Variants in ODAD4 observed in about 807,000 individuals in gnomAD.
ODAD4 encodes the protein outer dynein arm docking complex subunit 4, also known as outer dynein arm-docking complex subunit 4.
ODAD4 carries 49 observed loss-of-function variants against 51.8 expected under a neutral mutation model. The ratio of observed to expected loss-of-function variants is 0.95; its 90% CI spans 0.75 to 1.20. ODAD4 has a LOEUF of 1.20. Ranked by LOEUF, ODAD4 falls within the 50% of genes most tolerant of loss-of-function variation. The probability of loss-of-function intolerance (pLI) is 0.00; values close to 1 mark genes in which losing one functional copy is unlikely to be tolerated. For missense variants in ODAD4, 590 were observed against 586.5 expected (o/e 1.01, Z -0.06); for synonymous variants, 235 against 221.3 (o/e 1.06, Z -0.55).
Position 41,930,807 on chromosome 17 carries a change from A to G in ODAD4, c.84A>G (p.Glu28=), listed in dbSNP as rs1555636654. The G allele has an allele frequency of 6.4e-7, 1 of 1,556,062 alleles. No homozygotes were observed. Among genetic ancestry groups the G allele is most frequent in the Admixed American group, 1.8e-5 (1 of 55,966 alleles). ...GCGAGCGGCTCTACCTGTGCGGGGA[A>G]TTTTCTAAAGCCGCGCAGAGCTTCA... ...AEGERLYLCG[E]FSKAAQSFSN... is the part of the protein sequence containing the mutation. Residue 28 remains glutamate (E), a synonymous_variant, in exon 1 of 12, where the codon GAA becomes GAG. Coordinates refer to ENST00000377540, the MANE Select transcript of ODAD4 (RefSeq NM_031421.5).
intron 7 of ODAD4, among the ~76,000 whole-genome samples, chr17:41,941,084 C>T (rs1205030462): frequency 1.3e-5 from 2 of 152,202 alleles, no homozygotes; most frequent in Admixed American, 6.6e-5. Flanking sequence ...GCTTGGCCCC[C>T]TCACTGTTCA....
chr17:41,939,263 G>C, intron 7 of ODAD4, 91 bp downstream of exon 7: 2 of 1,286,772 alleles, frequency 1.6e-6, no homozygotes, highest in Non-Finnish European at 2.1e-6. Flanking sequence ...CTGGTGGCTT[G>C]ACTCCCATTT....
intron 7 of ODAD4, among the ~76,000 whole-genome samples, chr17:41,942,627 G>A (rs2050522069): frequency 6.6e-6 from 1 of 152,132 alleles, no homozygotes; most frequent in African/African-American, 2.4e-5. Flanking sequence ...AGCTTGGCAG[G>A]GGCCTCAGGG....
At chr17:41,960,295 C>G (rs1221569653) in intron 10 of ODAD4, among the ~76,000 whole-genome samples, 1 of 152,098 alleles carries the variant, frequency 6.6e-6, no homozygotes, top group Non-Finnish European at 1.5e-5. Flanking sequence ...TAGCAAGACC[C>G]TGTCTCTTAA....
At chr17:41,935,523 G>GACCC (rs1488021235) in intron 2 of ODAD4, 76 bp from the exon 3 acceptor site, 17 of 1,545,790 alleles carry the variant, frequency 1.1e-5, no homozygotes, top group Non-Finnish European at 1.5e-5. Flanking sequence ...TTCAACCCAG[G>GACCC]ACCCTTCTGT....
chr17:41,932,686 A>G lies in ODAD4; in HGVS notation c.114+1849A>G, dbSNP rs117539875. ...TAGTGTTCCAAGTAGCTGGAGCTAC[A>G]GGCTTATGCCACCACGCCTGGCTAA... On this transcript the variant is annotated intron_variant, in intron 1 of 11. Coordinates refer to ENST00000377540, the MANE Select transcript of ODAD4 (RefSeq NM_031421.5). Among the ~76,000 whole-genome samples, 79 of 151,396 alleles carry G rather than the reference A, an allele frequency of 5.2e-4. 1 individual carries two copies. In the East Asian group the frequency reaches 0.015, roughly 28 times the overall value.
chr17:41,956,544 G>A (rs1285211710), intron 10 of ODAD4, among the ~76,000 whole-genome samples: 1 of 143,402 alleles, frequency 7.0e-6, no homozygotes, highest in African/African-American at 2.6e-5. Flanking sequence ...GACCTAGCCT[G>A]GGACCCAACG....
chr17:41,944,444 A>ACACACACCCC (rs1191101800), intron 7 of ODAD4, among the ~76,000 whole-genome samples: 25 of 19,536 alleles, frequency 1.3e-3, no homozygotes, highest in South Asian at 4.2e-3. Context: ...ACACACACAC[A>ACACACACCCC]CCCCCCCGCA....
At chr17:41,952,540 C>CA (rs11369140) in intron 9 of ODAD4, 1,769 of 113,704 alleles carry the variant, frequency 0.016, 11 homozygotes, top group South Asian at 0.019. Flanking sequence ...ACCCTCACTC[C>CA]AAAAAAAAAA....
In ODAD4 at chr17:41,938,868, C is replaced by G. The variant is rs1223909433; in HGVS notation, c.850+87C>G. 3 of 1,562,710 alleles carry G rather than the reference C, an allele frequency of 1.9e-6. No individual in the cohort carries two copies. The East Asian group carries it at 6.7e-5, about 35-fold the overall frequency. On this transcript the variant is annotated intron_variant, in intron 6 of 11. Coordinates refer to ENST00000377540, the MANE Select transcript of ODAD4 (RefSeq NM_031421.5). ...GCAACCAGGTGTCTGAGCCCCTGGT[C>G]TCTCAGACCTGCAGATGGTGTCTGC... is the stretch of plus-strand genomic sequence containing the variant.
intron 1 of ODAD4, among the ~76,000 whole-genome samples, chr17:41,932,038 GC>G (rs1352873317): frequency 1.3e-5 from 2 of 151,928 alleles, no homozygotes; most frequent in African/African-American, 4.8e-5. Flanking sequence ...TGATTCTCCT[GC>G]CTCAGCCTCA....
chr17:41,932,851 T>C (rs1555637156), intron 1 of ODAD4, among the ~76,000 whole-genome samples: 1 of 151,216 alleles, frequency 6.6e-6, no homozygotes. Flanking sequence ...AGGTATGAGA[T>C]ACAGTGCCCT....
At chr17:41,943,031 G>T (rs569122875) in intron 7 of ODAD4, among the ~76,000 whole-genome samples, 72 of 152,110 alleles carry the variant, frequency 4.7e-4, no homozygotes, top group African/African-American at 1.7e-3. Context: ...CCCGCGTTTT[G>T]TTTTTACACA....
chr17:41,963,426 T>C (rs1555642040), intron 11 of ODAD4, among the ~76,000 whole-genome samples: 1 of 152,184 alleles, frequency 6.6e-6, no homozygotes, highest in Non-Finnish European at 1.5e-5. Context: ...TTCTATATTT[T>C]CATAGGAAAC....
At chr17:41,951,881 C>T (rs1378801324) in intron 9 of ODAD4, among the ~76,000 whole-genome samples, 1 of 93,660 alleles carries the variant, frequency 1.1e-5, no homozygotes, top group African/African-American at 4.8e-5. Flanking sequence ...GAGACTCTGT[C>T]GCAAAAAAAA....
chr17:41,943,703 A>T (rs1237113094), intron 7 of ODAD4, among the ~76,000 whole-genome samples: 1 of 152,338 alleles, frequency 6.6e-6, no homozygotes, highest in South Asian at 2.1e-4. Context: ...ATGATGGCTT[A>T]GCTTGGGCTC....
intron 2 of ODAD4, 53 bp downstream of exon 2, chr17:41,935,401 G>T: frequency 6.3e-7 from 1 of 1,596,532 alleles, no homozygotes; most frequent in Non-Finnish European, 8.5e-7. Context: ...AGCAACTTCT[G>T]GTTACAAGTA....
chr17:41,952,605 T>C, intron 9 of ODAD4: 1 of 460,708 alleles, frequency 2.2e-6, no homozygotes, highest in Non-Finnish European at 4.4e-6. Context: ...AATGATTTAC[T>C]CTCTTGAATA....
chr17:41,943,370 C>A (rs2050533498), intron 7 of ODAD4, among the ~76,000 whole-genome samples: 1 of 152,166 alleles, frequency 6.6e-6, no homozygotes, highest in South Asian at 2.1e-4. Flanking sequence ...GAAGAGACCA[C>A]CAAACAGGCT....
Sources: gnomAD v4.1 joint callset for allele counts (sites outside exome capture counted in the v4.1 genomes callset) on GRCh38, gnomAD v4.1.1 for gene constraint, MANE v1.5 for transcripts, NCBI Gene and HGNC (gene_info 2026-07-23, HGNC 2026-07-21) for gene names.